Variants in BEND4 observed in about 807,000 individuals in gnomAD.
BEND4 encodes the protein BEN domain containing 4.
BEND4 carries 27 observed loss-of-function variants against 54.7 expected under a neutral mutation model. The ratio of observed to expected loss-of-function variants is 0.49; its 90% CI spans 0.36 to 0.68. The LOEUF is 0.68. Among genes scored for constraint, BEND4 ranks in the 30% least tolerant of loss-of-function variants. BEND4 has a pLI of 0.00. For synonymous variants in BEND4, 327 were observed against 299.5 expected (o/e 1.09, Z -0.95); for missense variants, 702 against 697.2 (o/e 1.01, Z -0.08).
chr4:42,111,078 T>C lies in BEND4; in HGVS notation c.*6440A>G, dbSNP rs1338469714. 1 of 152,198 alleles carries C rather than the reference T, an allele frequency of 6.6e-6. No homozygotes were observed. The highest frequency in any genetic ancestry group is 1.9e-4 in the East Asian group (1 of 5,202). 9.4% of individuals were successfully genotyped at this position (152,198 alleles called of 1,614,324 possible). On this transcript the variant is annotated 3_prime_UTR_variant, in exon 6 of 6. Coordinates refer to ENST00000502486, the MANE Select transcript of BEND4 (RefSeq NM_207406.4). ...CTCTAGTAACAAATGTCTCTTATAA[T>C]TAAAAATATTGAATGTTTAAAAAAC...
At chr4:42,145,797 G>A (rs536352412) in intron 2 of BEND4, among the ~76,000 whole-genome samples, 1 of 152,020 alleles carries the variant, frequency 6.6e-6, no homozygotes, top group Non-Finnish European at 1.5e-5. Flanking sequence ...CTGAAAAACT[G>A]CAAGTCAGAA....
chr4:42,125,443 C>A, intron 4 of BEND4, 140 bp downstream of exon 4: 1 of 644,914 alleles, frequency 1.6e-6, no homozygotes, highest in Non-Finnish European at 2.8e-6. Flanking sequence ...CCACAAATTA[C>A]ATACTTACAG....
intron 4 of BEND4, among the ~76,000 whole-genome samples, chr4:42,125,000 T>C (rs1560576555): frequency 6.6e-6 from 1 of 152,200 alleles, no homozygotes; most frequent in Non-Finnish European, 1.5e-5. Flanking sequence ...CTCATGGGGA[T>C]TGTCCATGGT....
intron 3 of BEND4, among the ~76,000 whole-genome samples, chr4:42,137,115 A>G (rs9291211): frequency 0.33 from 50,060 of 152,036 alleles, 11,287 homozygotes; most frequent in African/African-American, 0.65. Flanking sequence ...ATAATCCTAA[A>G]TTTCCAACTG....
chr4:42,128,675 G>C (rs1309195720), intron 3 of BEND4, among the ~76,000 whole-genome samples: 2 of 151,906 alleles, frequency 1.3e-5, no homozygotes, highest in African/African-American at 4.8e-5. Flanking sequence ...CATTAAGCAA[G>C]AGAAAGAAAT....
At position 42,117,414 on chromosome 4, in the gene BEND4, CTA is replaced by C. The variant is rs1719880891; in HGVS notation, c.*102_*103del. Reference sequence around the variant, plus strand: ...ACTGTGGCAGCTGAGAATGTGTAGACTATGGCAGAATGACAGGCTTTGGACTC... The same window carrying C: ...ACTGTGGCAGCTGAGAATGTGTAGACTGGCAGAATGACAGGCTTTGGACTC... On this transcript the variant is annotated 3_prime_UTR_variant, in exon 6 of 6. Coordinates refer to ENST00000502486, the MANE Select transcript of BEND4 (RefSeq NM_207406.4). The C allele has an allele frequency of 1.2e-6, 1 of 805,714 alleles. No homozygotes were observed. Among genetic ancestry groups the C allele is most frequent in the South Asian group, 1.8e-5 (1 of 56,158 alleles). 49.9% of individuals were successfully genotyped at this position (805,714 alleles called of 1,614,324 possible).
In BEND4 at chr4:42,151,774, G is replaced by C; in HGVS notation, c.370C>G (p.Pro124Ala). 2 of 1,496,270 alleles carry C rather than the reference G, an allele frequency of 1.3e-6. No individual in the cohort carries two copies. Among genetic ancestry groups the C allele is most frequent in the Non-Finnish European group, 8.9e-7 (1 of 1,129,820 alleles). The allele number at this position is 1,496,270 out of a possible 1,614,324, so 92.7% of individuals were successfully genotyped here. The change falls in exon 2 of 6, where the codon CCC (proline) becomes GCC (alanine). Residue 124 changes from proline (P) to alanine (A), a missense_variant. Transcript: ENST00000502486. Reference sequence around the variant, plus strand: ...AACGAAGACGACGAGGAGGCGGCGGGGGACGCGGGCGGCGGCTGCGCCGGA... The same window carrying C: ...AACGAAGACGACGAGGAGGCGGCGGCGGACGCGGGCGGCGGCTGCGCCGGA... ...RTPAQPPPAS[P>A]AASSSSSFAA...
At chr4:42,140,586 G>A (rs894043213) in intron 3 of BEND4, among the ~76,000 whole-genome samples, 9 of 152,168 alleles carry the variant, frequency 5.9e-5, no homozygotes, top group Admixed American at 2.0e-4. Context: ...TTTCTGGGAA[G>A]TACAAAAGAC....
chr4:42,146,168 C>A (rs1326400164), intron 2 of BEND4, among the ~76,000 whole-genome samples: 25 of 152,198 alleles, frequency 1.6e-4, no homozygotes, highest in Admixed American at 1.6e-3. Flanking sequence ...ACTCAAACTG[C>A]TTTAAAGATC....
At chr4:42,126,901 G>T (rs1720309126) in intron 3 of BEND4, among the ~76,000 whole-genome samples, 1 of 152,154 alleles carries the variant, frequency 6.6e-6, no homozygotes, top group South Asian at 2.1e-4. Flanking sequence ...AAAAGATAAA[G>T]GTCTTGGTAG....
At chr4:42,120,332 C>CT in intron 4 of BEND4, 38 bp from the exon 5 acceptor site, 1 of 1,582,440 alleles carries the variant, frequency 6.3e-7, no homozygotes, top group Non-Finnish European at 8.6e-7. Flanking sequence ...CCCACCGAGC[C>CT]AGCCAGCCAG....
chr4:42,134,528 C>G (rs1259730207), intron 3 of BEND4, among the ~76,000 whole-genome samples: 3 of 152,200 alleles, frequency 2.0e-5, no homozygotes, highest in Admixed American at 2.0e-4. Flanking sequence ...GATGTTACAA[C>G]ATGCCTAACA....
chr4:42,114,041 A>T lies in BEND4; in HGVS notation c.*3477T>A, dbSNP rs191362349. The T allele has an allele frequency of 6.6e-6, 1 of 152,226 alleles. No individual in the cohort carries two copies. The allele number at this position is 152,226 out of a possible 1,614,324, so 9.4% of individuals were successfully genotyped here. On this transcript the variant is annotated 3_prime_UTR_variant, in exon 6 of 6. Transcript: ENST00000502486. ...AGTACTTGTAAAATGTTCAAGTAAA[A>T]TGAGAAAGTACTTGTAAAATTGAAA...
chr4:42,126,209 T>C (rs932589886), intron 3 of BEND4, among the ~76,000 whole-genome samples: 2 of 152,214 alleles, frequency 1.3e-5, no homozygotes, highest in African/African-American at 4.8e-5. Flanking sequence ...AACTTTCAAG[T>C]CAAACTTACT....
intron 4 of BEND4, among the ~76,000 whole-genome samples, chr4:42,121,239 T>C (rs1043428832): frequency 2.6e-5 from 4 of 152,204 alleles, no homozygotes; most frequent in African/African-American, 9.6e-5. Flanking sequence ...TAGGGTTTTA[T>C]TTCAAAAAGT....
Position 42,143,469 on chromosome 4 carries a change from T to G in BEND4, c.1013A>C (p.Gln338Pro). The change falls in exon 3 of 6, where the codon CAA becomes CCA. Residue 338 changes from glutamine (Q) to proline (P), a missense_variant. Transcript: ENST00000502486. ...ELEQEVISLQ[Q>P]ENEELRRKLE... ...TTTCCTTCTGAGCTCTTCATTTTCT[T>G]GTTGCAGTGAAATAACCTCCTGCTC... 1.3e-6 allele frequency: 2 copies of G among 1,552,256 alleles called. No individual in the cohort carries two copies. Among genetic ancestry groups the G allele is most frequent in the Non-Finnish European group, 1.7e-6 (2 of 1,147,118 alleles).
At chr4:42,119,190 C>T (rs1196453244) in intron 5 of BEND4, among the ~76,000 whole-genome samples, 1 of 152,070 alleles carries the variant, frequency 6.6e-6, no homozygotes, top group African/African-American at 2.4e-5. Flanking sequence ...TAACTAGGGC[C>T]TTAGCAGTGA....
At chr4:42,122,743 C>G (rs1720112149) in intron 4 of BEND4, among the ~76,000 whole-genome samples, 1 of 152,124 alleles carries the variant, frequency 6.6e-6, no homozygotes, top group Non-Finnish European at 1.5e-5. Context: ...TTATTTAACA[C>G]CATATAATTT....
rs545032456 is a variant in BEND4, at chr4:42,142,024, C to A, written c.1054+1404G>T. 6.1e-4 allele frequency among the ~76,000 whole-genome samples: 92 copies of A among 151,950 alleles called. No individual in the cohort carries two copies. The South Asian group carries it at 0.012, about 20-fold the overall frequency. ...GTTCACGTCATTCTCCTGCCTCAGC[C>A]TCCCGAGTAGCTGGGACTACAGGCA... On this transcript the variant is annotated intron_variant, in intron 3 of 5. Transcript: ENST00000502486.
Sources: allele counts gnomAD v4.1 joint callset (sites outside exome capture counted in the v4.1 genomes callset), GRCh38; gene constraint gnomAD v4.1.1; transcripts MANE v1.5; gene names NCBI Gene and HGNC (gene_info 2026-07-23, HGNC 2026-07-21).